The following SPACA7 variants were observed in gnomAD, a reference collection of about 807,000 sequenced individuals.
SPACA7 encodes sperm acrosome associated 7.
SPACA7 carries 19 observed loss-of-function variants against 26.3 expected under a neutral mutation model. That is an observed-to-expected ratio of 0.72 (90% CI 0.50 to 1.06). The LOEUF (loss-of-function observed/expected upper bound fraction) is 1.06, where lower values mean the gene tolerates loss of function less well. Ranked by LOEUF, SPACA7 falls within the 50% of genes least tolerant of loss-of-function variation. The pLI is 0.00. For synonymous variants in SPACA7, 84 were observed against 84.5 expected (o/e 0.99, Z 0.04); for missense variants, 211 against 229.9 (o/e 0.92, Z 0.53).
At chr13:112,419,833 A>G (rs1886903876) in intron 5 of SPACA7, among the ~76,000 whole-genome samples, 1 of 152,230 alleles carries the variant, frequency 6.6e-6, no homozygotes, top group Non-Finnish European at 1.5e-5. Flanking sequence ...GTAACCAGTG[A>G]AGGGAGTATA....
chr13:112,404,036 C>T (rs933563300), intron 5 of SPACA7, among the ~76,000 whole-genome samples: 1 of 152,216 alleles, frequency 6.6e-6, no homozygotes, highest in African/African-American at 2.4e-5. Context: ...TTTACATTCC[C>T]ACCAGCAGTG....
In SPACA7 at chr13:112,399,023, C is replaced by A. The variant is rs369508560; in HGVS notation, c.242-43C>A. The A allele has an allele frequency of 9.7e-6, 12 of 1,242,778 alleles. No individual in the cohort carries two copies. The African/African-American group carries it at 1.8e-4, about 19-fold the overall frequency. 77.0% of individuals were successfully genotyped at this position (1,242,778 alleles called of 1,614,324 possible). ...CCAAAAATGTTTATACCTGTGTAAT[C>A]AAGAAAACTTTTCCCCATTTTTTTC... is the stretch of plus-strand genomic sequence containing the variant. On this transcript the variant is annotated intron_variant, in intron 3 of 6. Transcript: ENST00000283550.
At chr13:112,400,259 G>C (rs889192043) in intron 4 of SPACA7, among the ~76,000 whole-genome samples, 23 of 152,316 alleles carry the variant, frequency 1.5e-4, no homozygotes, top group African/African-American at 2.4e-4. Flanking sequence ...ACAGACTCTG[G>C]AGTTGGGAAA....
At chr13:112,407,558 T>C (rs1031054013) in intron 5 of SPACA7, among the ~76,000 whole-genome samples, 1 of 151,744 alleles carries the variant, frequency 6.6e-6, no homozygotes, top group Non-Finnish European at 1.5e-5. Context: ...ACCAAAGAAA[T>C]ACAAACTACC....
intron 5 of SPACA7, among the ~76,000 whole-genome samples, chr13:112,429,186 G>T (rs1876822967): frequency 6.6e-6 from 1 of 152,094 alleles, no homozygotes; most frequent in Non-Finnish European, 1.5e-5. Flanking sequence ...AGACCAGCCT[G>T]GGCAACATAG....
chr13:112,377,471 T>C (rs2138842344), intron 1 of SPACA7, among the ~76,000 whole-genome samples: 1 of 152,336 alleles, frequency 6.6e-6, no homozygotes, highest in South Asian at 2.1e-4. Flanking sequence ...TCTAGTTCAA[T>C]TATTGTGTAT....
At chr13:112,388,830 G>A (rs1884698930) in intron 1 of SPACA7, among the ~76,000 whole-genome samples, 1 of 152,196 alleles carries the variant, frequency 6.6e-6, no homozygotes, top group Admixed American at 6.5e-5. Flanking sequence ...GGGGAAGCCA[G>A]TGAGCCAGGA....
At chr13:112,405,611 G>C (rs981376156) in intron 5 of SPACA7, among the ~76,000 whole-genome samples, 2 of 152,114 alleles carry the variant, frequency 1.3e-5, no homozygotes, top group African/African-American at 4.8e-5. Flanking sequence ...TGTTCCATAA[G>C]CACTTGAGAA....
At position 112,434,565 on chromosome 13, in the gene SPACA7, C is replaced by T. The variant is rs1196291046; in HGVS notation, c.*16C>T. The stretch of plus-strand genomic sequence containing the variant: ...CAGTCAGTGAGGCCGCAGCCCCAGA[C>T]CCCCTGCGCAGGAGAGGAGCCTGCT... On this transcript the variant is annotated 3_prime_UTR_variant, in exon 7 of 7. Coordinates refer to ENST00000283550, the MANE Select transcript of SPACA7 (RefSeq NM_145248.5). The T allele has an allele frequency of 3.8e-6, 6 of 1,593,514 alleles. No homozygotes were observed. The highest frequency in any genetic ancestry group is 5.1e-6 in the Non-Finnish European group (6 of 1,170,348).
At chr13:112,412,634 TG>T (rs201383077) in intron 5 of SPACA7, among the ~76,000 whole-genome samples, 13,969 of 152,162 alleles carry the variant, frequency 0.092, 718 homozygotes, top group African/African-American at 0.12. Flanking sequence ...TTTTTGTATA[TG>T]GGTGAGAGAT....
intron 5 of SPACA7, among the ~76,000 whole-genome samples, chr13:112,431,166 C>G (rs1372712069): frequency 6.6e-6 from 1 of 152,106 alleles, no homozygotes; most frequent in Admixed American, 6.6e-5. Flanking sequence ...AAACTGAGCA[C>G]CTAAGAATAA....
At chr13:112,428,261 T>C (rs1265704531) in intron 5 of SPACA7, among the ~76,000 whole-genome samples, 2 of 152,222 alleles carry the variant, frequency 1.3e-5, no homozygotes, top group Non-Finnish European at 2.9e-5. Flanking sequence ...TTAAATTTCT[T>C]CTTTGATCCA....
chr13:112,415,568 TG>T (rs1432709840), intron 5 of SPACA7, among the ~76,000 whole-genome samples: 2 of 152,212 alleles, frequency 1.3e-5, no homozygotes, highest in East Asian at 3.9e-4. Flanking sequence ...CAAAGGCCCC[TG>T]TACTCTTTTC....
intron 1 of SPACA7, among the ~76,000 whole-genome samples, chr13:112,384,890 T>G (rs891315105): frequency 6.6e-6 from 1 of 152,208 alleles, no homozygotes; most frequent in Non-Finnish European, 1.5e-5. Flanking sequence ...ATGTATGTAT[T>G]GGTGCATTTT....
intron 5 of SPACA7, among the ~76,000 whole-genome samples, chr13:112,413,401 C>A (rs562310488): frequency 2.0e-5 from 3 of 146,642 alleles, no homozygotes; most frequent in African/African-American, 7.6e-5. Flanking sequence ...TTAAATATGT[C>A]ATCCAACTCC....
At chr13:112,430,645 G>A (rs1256534677) in intron 5 of SPACA7, among the ~76,000 whole-genome samples, 1 of 152,166 alleles carries the variant, frequency 6.6e-6, no homozygotes, top group Non-Finnish European at 1.5e-5. Context: ...GCCGCATACA[G>A]CCTCAGTGCC....
At chr13:112,407,068 C>A (rs1441347810) in intron 5 of SPACA7, among the ~76,000 whole-genome samples, 1 of 152,226 alleles carries the variant, frequency 6.6e-6, no homozygotes, top group Non-Finnish European at 1.5e-5. Flanking sequence ...GAAACTCACT[C>A]AAAACCACTC....
intron 1 of SPACA7, 126 bp downstream of exon 1, chr13:112,376,605 G>T: frequency 1.0e-6 from 1 of 995,716 alleles, no homozygotes; most frequent in Non-Finnish European, 1.4e-6. Flanking sequence ...CTTGGGGAAT[G>T]AATGTAGCTG....
Position 112,434,631 on chromosome 13 carries a change from T to G in SPACA7, c.*82T>G. 9.0e-7 allele frequency: 1 copy of G among 1,108,546 alleles called. No homozygotes were observed. The highest frequency in any genetic ancestry group is 1.3e-6 in the Non-Finnish European group (1 of 745,994). The allele number at this position is 1,108,546 out of a possible 1,614,324, so 68.7% of individuals were successfully genotyped here. On this transcript the variant is annotated 3_prime_UTR_variant, in exon 7 of 7. Coordinates refer to ENST00000283550, the MANE Select transcript of SPACA7 (RefSeq NM_145248.5). ...CAGCCTCCGGAACAGGGCACTTGTG[T>G]GCACACGCCCACGTTCTCTGAACCA...
Sources: allele counts gnomAD v4.1 joint callset (sites outside exome capture counted in the v4.1 genomes callset), GRCh38; gene constraint gnomAD v4.1.1; transcripts MANE v1.5; gene names NCBI Gene and HGNC (gene_info 2026-07-23, HGNC 2026-07-21).